CDH12: variants seen among roughly 807,000 people sequenced by gnomAD.
CDH12 encodes cadherin 12.
Under a neutral mutation model 74.1 loss-of-function variants are expected in CDH12, and 41 were observed. The observed-to-expected ratio is 0.55, with a 90% confidence interval of 0.43 to 0.72. CDH12 has a LOEUF of 0.72. Ranked by LOEUF, CDH12 falls within the 30% of genes least tolerant of loss-of-function variation. The pLI, the probability that CDH12 is intolerant of heterozygous loss-of-function variation, is 0.00. For synonymous variants in CDH12, 399 were observed against 355.0 expected, an observed-to-expected ratio of 1.12 and a Z score of -1.39; for missense variants, 945 against 977.2, an observed-to-expected ratio of 0.97 and a Z score of 0.44.
chr5:21,988,083 T>C (rs1488653434), intron 5 of CDH12, among the ~76,000 whole-genome samples: 2 of 152,266 alleles, frequency 1.3e-5, no homozygotes, highest in South Asian at 2.1e-4. Flanking sequence ...GGTAAATAAA[T>C]AGCAGAGACT....
intron 4 of CDH12, among the ~76,000 whole-genome samples, chr5:22,152,984 C>T (rs1315368045): frequency 1.3e-5 from 2 of 152,076 alleles, no homozygotes; most frequent in African/African-American, 2.4e-5. Context: ...TGTACATATG[C>T]CACAATTTAT....
chr5:22,497,878 A>C (rs1226175220), intron 2 of CDH12, among the ~76,000 whole-genome samples: 1 of 151,924 alleles, frequency 6.6e-6, no homozygotes, highest in East Asian at 1.9e-4. Flanking sequence ...CCTGACCTCA[A>C]GTGATCCGCC....
chr5:22,079,574 T>C (rs1742577125), intron 4 of CDH12, among the ~76,000 whole-genome samples: 1 of 152,162 alleles, frequency 6.6e-6, no homozygotes, highest in East Asian at 1.9e-4. Context: ...TAAATTTAAA[T>C]TTTCTTTAAA....
chr5:22,090,235 T>G (rs1020089108), intron 4 of CDH12, among the ~76,000 whole-genome samples: 2 of 151,756 alleles, frequency 1.3e-5, no homozygotes, highest in Non-Finnish European at 2.9e-5. Flanking sequence ...AAAAACGTAC[T>G]ATAACAAATA....
intron 2 of CDH12, among the ~76,000 whole-genome samples, chr5:22,414,841 T>C (rs768122575): frequency 1.3e-5 from 2 of 151,998 alleles, no homozygotes; most frequent in Non-Finnish European, 2.9e-5. Context: ...GAAAAAAAGC[T>C]TTAGAAGACT....
At chr5:22,698,874 T>C (rs994251101) in intron 1 of CDH12, among the ~76,000 whole-genome samples, 1 of 151,234 alleles carries the variant, frequency 6.6e-6, no homozygotes, top group Non-Finnish European at 1.5e-5. Flanking sequence ...AAAATGGTGA[T>C]GAGTTTTCTC....
chr5:22,707,849 A>C (rs2126969364), intron 1 of CDH12, among the ~76,000 whole-genome samples: 1 of 152,164 alleles, frequency 6.6e-6, no homozygotes, highest in Non-Finnish European at 1.5e-5. Flanking sequence ...TTGGGGGAGT[A>C]TTTTTAAATC....
chr5:22,694,462 C>A (rs942039247), intron 1 of CDH12, among the ~76,000 whole-genome samples: 1 of 152,060 alleles, frequency 6.6e-6, no homozygotes, highest in Non-Finnish European at 1.5e-5. Context: ...TTCAATTGCT[C>A]TCAAATAATC....
intron 1 of CDH12, among the ~76,000 whole-genome samples, chr5:22,518,951 A>G (rs1423162779): frequency 6.6e-6 from 1 of 152,184 alleles, no homozygotes; most frequent in African/African-American, 2.4e-5. Flanking sequence ...GGACTGCCTG[A>G]CATGAGAACT....
rs1400304505 is a variant in CDH12 at position 22,781,128 on chromosome 5, A to T, written c.-523+71930T>A. Among the ~76,000 whole-genome samples, 4 of 152,196 alleles carry T rather than the reference A, an allele frequency of 2.6e-5. No individual in the cohort carries two copies. In the East Asian group the frequency reaches 7.7e-4, roughly 29 times the overall value. ...TTGTTACATTTTTAAATATATTTTG[A>T]ATCCTCTATAAATATAAAGTGTGCA... On this transcript the variant is annotated intron_variant, in intron 1 of 14. Transcript: ENST00000382254.
At chr5:22,773,273 C>T (rs917431634) in intron 1 of CDH12, among the ~76,000 whole-genome samples, 1 of 151,960 alleles carries the variant, frequency 6.6e-6, no homozygotes, top group African/African-American at 2.4e-5. Flanking sequence ...TGTACAGTAA[C>T]CAAAACAGCA....
At chr5:22,674,488 A>C (rs912639297) in intron 1 of CDH12, among the ~76,000 whole-genome samples, 1 of 152,192 alleles carries the variant, frequency 6.6e-6, no homozygotes, top group African/African-American at 2.4e-5. Context: ...CTTTATCAGC[A>C]GCATGAAAAT....
At chr5:22,420,814 C>G (rs773332292) in intron 2 of CDH12, among the ~76,000 whole-genome samples, 7 of 152,140 alleles carry the variant, frequency 4.6e-5, no homozygotes, top group Non-Finnish European at 1.0e-4. Context: ...TTGATTGTTT[C>G]TATCTGTGAG....
intron 1 of CDH12, among the ~76,000 whole-genome samples, chr5:22,791,328 A>C (rs1187854751): frequency 6.6e-6 from 1 of 152,174 alleles, no homozygotes; most frequent in Non-Finnish European, 1.5e-5. Flanking sequence ...ACCCACGTCT[A>C]AGTTTTCGCA....
chr5:22,598,352 C>G (rs145515328), intron 1 of CDH12, among the ~76,000 whole-genome samples: 1 of 152,062 alleles, frequency 6.6e-6, no homozygotes, highest in Admixed American at 6.6e-5. Context: ...GGCAGTTTCC[C>G]GAGTGCTGTT....
At chr5:21,955,824 A>AT (rs1355626983) in intron 6 of CDH12, among the ~76,000 whole-genome samples, 2 of 152,018 alleles carry the variant, frequency 1.3e-5, no homozygotes, top group Non-Finnish European at 2.9e-5. Flanking sequence ...AGAATTGAAC[A>AT]TTTTTTTAAG....
chr5:22,472,798 A>T (rs1166650483), intron 2 of CDH12, among the ~76,000 whole-genome samples: 3 of 152,192 alleles, frequency 2.0e-5, no homozygotes, highest in African/African-American at 7.2e-5. Flanking sequence ...AGATGGTTAC[A>T]TCAGCCATCT....
chr5:22,790,000 T>G (rs1456001212), intron 1 of CDH12, among the ~76,000 whole-genome samples: 3 of 152,012 alleles, frequency 2.0e-5, no homozygotes, highest in Non-Finnish European at 2.9e-5. Context: ...AAAAGAAATA[T>G]TTTTAGAAGA....
intron 1 of CDH12, among the ~76,000 whole-genome samples, chr5:22,651,995 A>T (rs1484124501): frequency 2.6e-5 from 4 of 152,162 alleles, no homozygotes; most frequent in African/African-American, 9.7e-5. Context: ...AGTGGAAGTG[A>T]GATACAGTCC....
Sources: allele counts gnomAD v4.1 joint callset (sites outside exome capture counted in the v4.1 genomes callset), GRCh38; gene constraint gnomAD v4.1.1; transcripts MANE v1.5; gene names NCBI Gene and HGNC (gene_info 2026-07-23, HGNC 2026-07-21).